FSTL4: variants seen among roughly 807,000 people sequenced by gnomAD.
The protein encoded by FSTL4 is follistatin-related protein 4.
FSTL4 carries 28 observed loss-of-function variants against 78.2 expected under a neutral mutation model. That is an observed-to-expected ratio of 0.36 (90% CI 0.27 to 0.49). The LOEUF is 0.49. Among genes scored for constraint, FSTL4 ranks in the 20% least tolerant of loss-of-function variants. The probability of loss-of-function intolerance (pLI) is 0.98; values close to 1 mark genes in which losing one functional copy is unlikely to be tolerated. For synonymous variants in FSTL4, 422 were observed against 440.5 expected, an observed-to-expected ratio of 0.96 and a Z score of 0.53; for missense variants, 922 against 1,084.9, an observed-to-expected ratio of 0.85 and a Z score of 2.11.
chr5:133,223,222 C>T (rs1271296105), intron 11 of FSTL4, among the ~76,000 whole-genome samples: 2 of 152,246 alleles, frequency 1.3e-5, no homozygotes, highest in Non-Finnish European at 2.9e-5. Context: ...GCGACTGTTG[C>T]TATTGACAGC....
intron 6 of FSTL4, among the ~76,000 whole-genome samples, chr5:133,279,149 A>T (rs1752955131): frequency 6.6e-6 from 1 of 152,206 alleles, no homozygotes; most frequent in African/African-American, 2.4e-5. Context: ...AGTGCCCTAG[A>T]CCAGGGGTTC....
At chr5:133,560,291 G>T (rs1287864941) in intron 3 of FSTL4, among the ~76,000 whole-genome samples, 1 of 152,254 alleles carries the variant, frequency 6.6e-6, no homozygotes, top group African/African-American at 2.4e-5. Flanking sequence ...GCTGAGCTCA[G>T]CCAGAGGATG....
At chr5:133,595,989 A>G (rs1245922237) in intron 2 of FSTL4, among the ~76,000 whole-genome samples, 5 of 152,222 alleles carry the variant, frequency 3.3e-5, no homozygotes, top group African/African-American at 1.2e-4. Flanking sequence ...CCCCAACAGG[A>G]AAAACCAATT....
Position 133,271,077 on chromosome 5 carries a change from C to G in FSTL4, c.728-21501G>C, listed in dbSNP as rs1006428132. Among the ~76,000 whole-genome samples the G allele has an allele frequency of 3.3e-5, 5 of 152,202 alleles. No individual in the cohort carries two copies. The East Asian group carries it at 9.6e-4, about 29-fold the overall frequency. Reference sequence around the variant, plus strand: ...GCCAGATGGAGGGAAGTGGCTGCAGCAGGAAGAGGCTCTGCTTGCCCGTCT... The same window carrying G: ...GCCAGATGGAGGGAAGTGGCTGCAGGAGGAAGAGGCTCTGCTTGCCCGTCT... On this transcript the variant is annotated intron_variant, in intron 6 of 15. Transcript: ENST00000265342.
At chr5:133,283,785 T>C (rs1753065682) in intron 6 of FSTL4, among the ~76,000 whole-genome samples, 2 of 152,182 alleles carry the variant, frequency 1.3e-5, no homozygotes. Flanking sequence ...TACCTGAGAC[T>C]GGGTTATTGA....
chr5:133,300,390 C>T (rs973337569), intron 6 of FSTL4, among the ~76,000 whole-genome samples: 2 of 152,180 alleles, frequency 1.3e-5, no homozygotes, highest in Non-Finnish European at 2.9e-5. Flanking sequence ...TTTTAGGCCC[C>T]GTTCCCCACC....
chr5:133,227,647 G>C (rs1581546821), intron 8 of FSTL4, among the ~76,000 whole-genome samples: 1 of 152,120 alleles, frequency 6.6e-6, no homozygotes, highest in Non-Finnish European at 1.5e-5. Context: ...CTAGATCACT[G>C]TCTATTTCTA....
At chr5:133,369,066 G>A (rs911099922) in intron 4 of FSTL4, among the ~76,000 whole-genome samples, 1 of 152,154 alleles carries the variant, frequency 6.6e-6, no homozygotes, top group Non-Finnish European at 1.5e-5. Context: ...GAAGCCTCAG[G>A]GATGGACTTC....
At chr5:133,678,767 A>G in the FSTL4 span, among the ~76,000 whole-genome samples, 2 of 152,174 alleles carry the variant, frequency 1.3e-5, no homozygotes, top group Non-Finnish European at 1.5e-5. Context: ...AGACTAGATA[A>G]GATTACCTAG....
chr5:133,562,423 C>T (rs1163772725), intron 3 of FSTL4, among the ~76,000 whole-genome samples: 1 of 152,138 alleles, frequency 6.6e-6, no homozygotes, highest in Admixed American at 6.5e-5. Context: ...AATTAGGGAC[C>T]GATTCCACGG....
intron 4 of FSTL4, among the ~76,000 whole-genome samples, chr5:133,339,878 G>A (rs1754545746): frequency 6.6e-6 from 1 of 152,348 alleles, no homozygotes; most frequent in African/African-American, 2.4e-5. Flanking sequence ...CTAGGACCAG[G>A]CTTGATGACC....
intron 6 of FSTL4, among the ~76,000 whole-genome samples, chr5:133,309,243 T>G (rs1753723902): frequency 2.7e-5 from 4 of 147,076 alleles, no homozygotes; most frequent in South Asian, 2.3e-4. Flanking sequence ...TGGTGGGGGG[T>G]GGCGTGGGGA....
intron 3 of FSTL4, among the ~76,000 whole-genome samples, chr5:133,412,903 T>A (rs1756508330): frequency 6.6e-6 from 1 of 152,174 alleles, no homozygotes; most frequent in South Asian, 2.1e-4. Context: ...ATAGTGGTGA[T>A]TCATTCATTG....
chr5:133,425,829 G>A (rs904012755), intron 3 of FSTL4, among the ~76,000 whole-genome samples: 17 of 152,220 alleles, frequency 1.1e-4, no homozygotes, highest in African/African-American at 4.1e-4. Flanking sequence ...AAGTGTAGCC[G>A]TGTGGTTTGT....
the FSTL4 span, among the ~76,000 whole-genome samples, chr5:133,620,954 G>A: frequency 2.0e-5 from 3 of 152,144 alleles, no homozygotes; most frequent in African/African-American, 7.2e-5. Flanking sequence ...GTCATTATTC[G>A]AAAAAGATAC....
chr5:133,716,557 A>G, the FSTL4 span, among the ~76,000 whole-genome samples: 3 of 152,302 alleles, frequency 2.0e-5, no homozygotes, highest in Non-Finnish European at 2.9e-5. Context: ...ACTTCTGTGT[A>G]AAAGATATTA....
the FSTL4 span, among the ~76,000 whole-genome samples, chr5:133,722,644 T>A: frequency 6.6e-6 from 1 of 152,228 alleles, no homozygotes; most frequent in African/African-American, 2.4e-5. Context: ...TTTCCCTTGG[T>A]AGTATCACTT....
chr5:133,463,679 T>C (rs1033572122), intron 3 of FSTL4, among the ~76,000 whole-genome samples: 4 of 152,238 alleles, frequency 2.6e-5, no homozygotes, highest in African/African-American at 7.2e-5. Context: ...GGGTTTTTCA[T>C]ACAGCTATGA....
the FSTL4 span, among the ~76,000 whole-genome samples, chr5:133,664,673 T>C: frequency 6.6e-6 from 1 of 152,254 alleles, no homozygotes; most frequent in South Asian, 2.1e-4. Context: ...GCTTTGTCAG[T>C]GTTTGGGTTT....
Sources: gnomAD v4.1 joint callset for allele counts (sites outside exome capture counted in the v4.1 genomes callset) on GRCh38, gnomAD v4.1.1 for gene constraint, MANE v1.5 for transcripts, NCBI Gene and HGNC (gene_info 2026-07-23, HGNC 2026-07-21) for gene names.